The following TIAM1 variants were observed in gnomAD, a reference collection of about 807,000 sequenced individuals.
TIAM1 encodes the protein TIAM Rac1 associated GEF 1, also known as rho guanine nucleotide exchange factor TIAM1.
In TIAM1, 65 loss-of-function variants were observed where a neutral mutation model predicts 163.5. The ratio of observed to expected loss-of-function variants is 0.40; its 90% CI spans 0.33 to 0.49. The LOEUF is 0.49. Ranked by LOEUF, TIAM1 falls within the 20% of genes least tolerant of loss-of-function variation. TIAM1 has a pLI of 0.77. For missense variants in TIAM1, 1,789 were observed against 2,044.7 expected (o/e 0.87, Z 2.41); for synonymous variants, 833 against 810.1 (o/e 1.03, Z -0.48).
At chr21:31,475,860 T>G (rs1024131142) in intron 1 of TIAM1, among the ~76,000 whole-genome samples, 2 of 152,218 alleles carry the variant, frequency 1.3e-5, no homozygotes, top group South Asian at 2.1e-4. Flanking sequence ...AACTACTTCA[T>G]GAGGTGATGT....
rs2086847749 is a variant in TIAM1, at chr21:31,210,810, G to GAAAGA, written c.2218-596_2218-595insTCTTT. ...AGAAAGAAAGAAAGAAAGAAAGAAA[G>GAAAGA]AAAGGTCACCATTCAGCTCAGCTTT... On this transcript the variant is annotated intron_variant, in intron 10 of 27. Transcript: ENST00000541036. Among the ~76,000 whole-genome samples the GAAAGA allele has an allele frequency of 2.7e-5, 4 of 149,124 alleles. No individual in the cohort carries two copies. The South Asian group carries it at 6.4e-4, about 24-fold the overall frequency.
At chr21:31,452,856 G>T in intron 2 of TIAM1, 2 of 522,560 alleles carry the variant, frequency 3.8e-6, no homozygotes, top group South Asian at 2.8e-5. Context: ...AGACTATCAA[G>T]ACCTGGAAAA....
chr21:31,132,340 C>G (rs1453116426), intron 23 of TIAM1, among the ~76,000 whole-genome samples: 3 of 152,198 alleles, frequency 2.0e-5, no homozygotes, highest in Non-Finnish European at 4.4e-5. Flanking sequence ...CTGCCCATAG[C>G]CCTTCACACC....
chr21:31,378,664 C>T (rs2076728458), intron 2 of TIAM1, among the ~76,000 whole-genome samples: 1 of 152,190 alleles, frequency 6.6e-6, no homozygotes, highest in Admixed American at 6.5e-5. Flanking sequence ...TTTTCCCACT[C>T]ATACTCGCTG....
intron 2 of TIAM1, among the ~76,000 whole-genome samples, chr21:31,413,487 G>A (rs2043278312): frequency 6.6e-6 from 1 of 151,686 alleles, no homozygotes; most frequent in African/African-American, 2.4e-5. Context: ...AGCCAGGATG[G>A]TCTCGATTTC....
chr21:31,334,091 A>G lies in TIAM1; in HGVS notation c.-189+5152T>C, dbSNP rs183248831. 1.3e-4 allele frequency among the ~76,000 whole-genome samples: 20 copies of G among 152,326 alleles called. No individual in the cohort carries two copies. In the East Asian group the frequency reaches 1.9e-3, roughly 15 times the overall value. On this transcript the variant is annotated intron_variant, in intron 2 of 27. Transcript: ENST00000541036. ...AACGCTTATGGCTATAGGCTTTTCC[A>G]CTTCGATTCAACCCCACGCTTGGTT...
At chr21:31,135,809 G>A in intron 23 of TIAM1, 124 bp downstream of exon 23, 1 of 848,382 alleles carries the variant, frequency 1.2e-6, no homozygotes, top group Non-Finnish European at 1.9e-6. Flanking sequence ...ACGGCAGGAA[G>A]ACCGATTCAA....
intron 3 of TIAM1, among the ~76,000 whole-genome samples, chr21:31,275,503 C>G (rs1391838567): frequency 6.6e-6 from 1 of 152,134 alleles, no homozygotes; most frequent in African/African-American, 2.4e-5. Flanking sequence ...TGGACTTATT[C>G]TACTTTTTCG....
intron 15 of TIAM1, among the ~76,000 whole-genome samples, chr21:31,175,661 C>A (rs138209910): frequency 6.6e-6 from 1 of 151,992 alleles, no homozygotes; most frequent in Non-Finnish European, 1.5e-5. Flanking sequence ...TGCAATGGTA[C>A]GATCTTGGCT....
intron 2 of TIAM1, among the ~76,000 whole-genome samples, chr21:31,410,403 A>G (rs13049804): frequency 1.5e-4 from 22 of 151,338 alleles, no homozygotes; most frequent in African/African-American, 4.9e-4. Context: ...CGTAAATGAG[A>G]CAGTGAGAGT....
At chr21:31,142,660 A>G (rs2082909618) in intron 20 of TIAM1, among the ~76,000 whole-genome samples, 2 of 151,650 alleles carry the variant, frequency 1.3e-5, no homozygotes, top group South Asian at 4.2e-4. Flanking sequence ...AGAAAAAAAG[A>G]AAAAGAAAAA....
intron 1 of TIAM1, chr21:31,558,820 G>GGTCA (rs1219668230): frequency 6.6e-6 from 1 of 152,156 alleles, no homozygotes. Flanking sequence ...GGGAGACGGG[G>GGTCA]GTCAGAACGT....
chr21:31,286,825 T>A (rs2073828335), intron 2 of TIAM1, among the ~76,000 whole-genome samples: 1 of 152,196 alleles, frequency 6.6e-6, no homozygotes, highest in Non-Finnish European at 1.5e-5. Flanking sequence ...ACTTGAGGAC[T>A]TTGTCAGAGG....
intron 27 of TIAM1, among the ~76,000 whole-genome samples, chr21:31,121,118 A>G (rs945720268): frequency 1.1e-4 from 17 of 151,934 alleles, no homozygotes; most frequent in African/African-American, 4.1e-4. Context: ...GGGGCACTCA[A>G]CTCCCTCTGA....
chr21:31,189,854 A>C (rs572512804), intron 13 of TIAM1, among the ~76,000 whole-genome samples: 21 of 152,336 alleles, frequency 1.4e-4, no homozygotes, highest in African/African-American at 4.3e-4. Context: ...GTGGAACTGA[A>C]TGAAGAACAT....
chr21:31,480,278 T>C (rs1286908514), intron 1 of TIAM1, among the ~76,000 whole-genome samples: 1 of 152,236 alleles, frequency 6.6e-6, no homozygotes, highest in Admixed American at 6.5e-5. Context: ...GTTAACCTAC[T>C]CTTGTCACAA....
At chr21:31,415,869 C>G (rs754816245) in intron 2 of TIAM1, among the ~76,000 whole-genome samples, 1 of 152,108 alleles carries the variant, frequency 6.6e-6, no homozygotes, top group Non-Finnish European at 1.5e-5. Context: ...GTCTCTGTCT[C>G]GGCCACCTCC....
At chr21:31,210,653 GAAAGAAAGAAAGAA>G (rs1390715892) in intron 10 of TIAM1, among the ~76,000 whole-genome samples, 2,516 of 25,240 alleles carry the variant, frequency 0.1, 464 homozygotes, top group African/African-American at 0.13. Context: ...AAGAAAGAAA[GAAAGAAAGAAAGAA>G]AAAGAAAGAA....
intron 5 of TIAM1, among the ~76,000 whole-genome samples, chr21:31,251,054 A>C (rs536007799): frequency 3.3e-5 from 5 of 152,346 alleles, no homozygotes; most frequent in African/African-American, 1.2e-4. Context: ...TTATTCTACC[A>C]ATTTTTTCCT....
Sources: gnomAD v4.1 joint callset for allele counts (sites outside exome capture counted in the v4.1 genomes callset) on GRCh38, gnomAD v4.1.1 for gene constraint, MANE v1.5 for transcripts, NCBI Gene and HGNC (gene_info 2026-07-23, HGNC 2026-07-21) for gene names.